Variants in MACF1 observed in about 807,000 individuals in gnomAD.
MACF1 encodes the protein microtubule-actin cross-linking factor 1.
A neutral mutation model predicts 854.8 loss-of-function variants in MACF1; 193 were observed. That is an observed-to-expected ratio of 0.23 (90% CI 0.20 to 0.25). MACF1 has a LOEUF of 0.25. Ranked by LOEUF, MACF1 falls within the 10% of genes least tolerant of loss-of-function variation. MACF1 has a pLI of 1.00. For synonymous variants in MACF1, 3,185 were observed against 3,226.7 expected (o/e 0.99, Z 0.44); for missense variants, 7,722 against 8,929.1 (o/e 0.86, Z 5.45).
At chr1:39,269,185 T>G (rs1228669161) in intron 6 of MACF1, 1 of 1,289,886 alleles carries the variant, frequency 7.8e-7, no homozygotes, top group African/African-American at 1.5e-5. Context: ...GTGAGCCAAC[T>G]GGTGGAATTT....
chr1:39,358,570 T>C (rs1647797108), intron 45 of MACF1, 127 bp from the exon 46 acceptor site: 1 of 819,624 alleles, frequency 1.2e-6, no homozygotes, highest in African/African-American at 1.7e-5. Flanking sequence ...ATCCATGGGT[T>C]CTGGCAATAC....
At chr1:39,429,141 G>A in intron 63 of MACF1, 101 bp from the exon 64 acceptor site, 1 of 629,474 alleles carries the variant, frequency 1.6e-6, no homozygotes. Flanking sequence ...AATTAAACTA[G>A]TATTCATCTC....
chr1:39,161,747 G>A (rs989803495), intron 2 of MACF1, among the ~76,000 whole-genome samples: 6 of 151,822 alleles, frequency 4.0e-5, no homozygotes, highest in Admixed American at 6.6e-5. Flanking sequence ...GGCGCCTGTA[G>A]TCCCAGCTAC....
intron 83 of MACF1, among the ~76,000 whole-genome samples, chr1:39,448,356 G>C (rs1436058759): frequency 6.6e-6 from 1 of 152,192 alleles, no homozygotes; most frequent in Non-Finnish European, 1.5e-5. Context: ...AAGGAAAGTA[G>C]TTATGGGAGT....
At chr1:39,149,821 T>C (rs899041626) in intron 2 of MACF1, among the ~76,000 whole-genome samples, 7 of 152,214 alleles carry the variant, frequency 4.6e-5, no homozygotes, top group African/African-American at 1.7e-4. Flanking sequence ...TGTCTTAATC[T>C]TATCCCATTG....
At chr1:39,336,873 C>T (rs1646819666) in intron 37 of MACF1, among the ~76,000 whole-genome samples, 1 of 152,120 alleles carries the variant, frequency 6.6e-6, no homozygotes, top group Admixed American at 6.5e-5. Flanking sequence ...CTGAAATCTG[C>T]AAGGGTTTTA....
rs752117666 is a variant in MACF1, at chr1:39,334,205, G to A, written c.7617G>A (p.Glu2539=). The A allele has an allele frequency of 5.6e-6, 9 of 1,613,980 alleles. No individual in the cohort carries two copies. In the Admixed American group the frequency reaches 1.3e-4, roughly 24 times the overall value. ...EDLAEKLKRV[E]NLNIHQIFNP... The stretch of plus-strand genomic sequence containing the variant: ...TAGCCGAGAAACTCAAAAGAGTTGA[G>A]AACTTAAACATCCATCAGATTTTTA... The change falls in exon 37 of 101, where the codon GAG becomes GAA. Residue 2539 remains glutamate (E), a synonymous_variant. Transcript: ENST00000564288.
intron 1 of MACF1, among the ~76,000 whole-genome samples, chr1:39,221,993 T>A (rs1644658137): frequency 1.3e-5 from 2 of 152,196 alleles, no homozygotes; most frequent in South Asian, 4.1e-4. Context: ...CAGCTAGCTG[T>A]TCTGTTAGCC....
intron 2 of MACF1, among the ~76,000 whole-genome samples, chr1:39,245,630 G>A (rs567467609): frequency 6.6e-6 from 1 of 152,286 alleles, no homozygotes; most frequent in African/African-American, 2.4e-5. Flanking sequence ...GCTCACACCT[G>A]TAATCCCAAC....
At chr1:39,368,414 C>A in intron 50 of MACF1, 100 bp downstream of exon 50, 1 of 1,247,042 alleles carries the variant, frequency 8.0e-7, no homozygotes, top group Non-Finnish European at 1.1e-6. Flanking sequence ...GAACAGATGG[C>A]ATCTAAAATT....
At chr1:39,433,575 CGTTTT>C in intron 68 of MACF1, among the ~76,000 whole-genome samples, 1 of 152,060 alleles carries the variant, frequency 6.6e-6, no homozygotes, top group Non-Finnish European at 1.5e-5. Flanking sequence ...TTTTTCATTT[CGTTTT>C]GTTTTGTTTC....
intron 61 of MACF1, among the ~76,000 whole-genome samples, chr1:39,425,745 A>G (rs1557647980): frequency 1.3e-5 from 2 of 152,088 alleles, no homozygotes; most frequent in Non-Finnish European, 2.9e-5. Flanking sequence ...TTATTCCTCA[A>G]TCATGGAATA....
Position 39,084,525 on chromosome 1 carries a change from G to A in MACF1, c.220+87G>A, listed in dbSNP as rs543245151. The stretch of plus-strand genomic sequence containing the variant: ...CAGCAGCTGTGTGGGGAGCCGAGGG[G>A]TCCTCACCAGGGCCTCTGACAAAGC... On this transcript the variant is annotated intron_variant, in intron 2 of 93. Coordinates refer to the MACF1 transcript ENST00000361689. This position sits in a 1 kb window ranked among gnomAD's most constrained non-coding sequence, Gnocchi z 5.2. The A allele has an allele frequency of 3.7e-5, 40 of 1,091,426 alleles. No individual in the cohort carries two copies. The South Asian group carries it at 4.9e-4, about 13-fold the overall frequency. 67.6% of individuals were successfully genotyped at this position (1,091,426 alleles called of 1,614,324 possible).
chr1:39,272,992 C>T (rs1645354866), intron 6 of MACF1, among the ~76,000 whole-genome samples: 1 of 152,122 alleles, frequency 6.6e-6, no homozygotes, highest in Non-Finnish European at 1.5e-5. Context: ...TTTCAATATC[C>T]ATACTACTAA....
chr1:39,447,376 A>C, intron 80 of MACF1, 56 bp from the exon 81 acceptor site: 1 of 1,574,292 alleles, frequency 6.4e-7, no homozygotes, highest in Non-Finnish European at 8.7e-7. Flanking sequence ...TGAGCCTATA[A>C]TTCCTGAAAT....
intron 2 of MACF1, among the ~76,000 whole-genome samples, chr1:39,131,115 G>T (rs760117771): frequency 2.9e-5 from 4 of 140,120 alleles, no homozygotes; most frequent in Non-Finnish European, 6.1e-5. Context: ...GCCTCCCAAA[G>T]TGCTGGGATT....
chr1:39,443,550 T>C lies in MACF1; in HGVS notation c.19407T>C (p.Ala6469=). 1 of 1,613,062 alleles carries C rather than the reference T, an allele frequency of 6.2e-7. No individual in the cohort carries two copies. Among genetic ancestry groups the C allele is most frequent in the Non-Finnish European group, 8.5e-7 (1 of 1,179,698 alleles). ...SKPTGGLPET[A]REQLDTHMEL... ...CCACAGGAGGACTTCCTGAAACTGC[T>C]AGGGAACAGCTTGATACACATATGG... Residue 6469 remains alanine (A), a synonymous_variant, in exon 79 of 101, where the codon GCT becomes GCC. Coordinates refer to ENST00000564288, the MANE Select transcript of MACF1 (RefSeq NM_001394062.1).
chr1:39,408,740 T>G (rs1051079769), intron 58 of MACF1, among the ~76,000 whole-genome samples: 1 of 152,038 alleles, frequency 6.6e-6, no homozygotes, highest in Non-Finnish European at 1.5e-5. Flanking sequence ...GTTCCTCTCC[T>G]TGCGCCCTCT....
In MACF1 at chr1:39,464,732, G is replaced by A. The variant is rs1644626382; in HGVS notation, c.21754-363G>A. 1.4e-5 allele frequency: 3 copies of A among 218,914 alleles called. No individual in the cohort carries two copies. The South Asian group carries it at 1.9e-4, about 14-fold the overall frequency. 13.6% of individuals were successfully genotyped at this position (218,914 alleles called of 1,614,324 possible). On this transcript the variant is annotated intron_variant, in intron 94 of 100. Coordinates refer to ENST00000564288, the MANE Select transcript of MACF1 (RefSeq NM_001394062.1). ...AATTCGAGACCAACCTGGCCAACAT[G>A]GTGAAACACCCTCTCTACTAATAAC...
Sources: allele counts gnomAD v4.1 joint callset (sites outside exome capture counted in the v4.1 genomes callset), GRCh38; gene constraint gnomAD v4.1.1; non-coding constraint Gnocchi (gnomAD v3.1); transcripts MANE v1.5; gene names NCBI Gene and HGNC (gene_info 2026-07-23, HGNC 2026-07-21).